The following ACTR3C variants were observed in gnomAD, a reference collection of about 807,000 sequenced individuals.
ACTR3C encodes the protein actin related protein 3C, also known as actin-related protein 3C.
Under a neutral mutation model 26.3 loss-of-function variants are expected in ACTR3C, and 18 were observed. The ratio of observed to expected loss-of-function variants is 0.68; its 90% CI spans 0.47 to 1.01. The LOEUF (loss-of-function observed/expected upper bound fraction) is 1.01, where lower values mean the gene tolerates loss of function less well. Ranked by LOEUF, ACTR3C falls within the 50% of genes least tolerant of loss-of-function variation. ACTR3C has a pLI of 0.00. For synonymous variants in ACTR3C, 55 were observed against 94.5 expected (o/e 0.58, Z 2.42); for missense variants, 184 against 250.7 (o/e 0.73, Z 1.80).
the ACTR3C span, among the ~76,000 whole-genome samples, chr7:150,191,348 A>G: frequency 5.3e-5 from 8 of 152,200 alleles, no homozygotes; most frequent in African/African-American, 1.9e-4. Flanking sequence ...AAACAAAGAA[A>G]ACAGTATATT....
chr7:150,247,773 G>A (rs1832547312), intron 7 of ACTR3C: 2 of 146,950 alleles, frequency 1.4e-5, no homozygotes, highest in Non-Finnish European at 3.0e-5. Context: ...CATCTCTTGG[G>A]TGATGAGTGA....
the ACTR3C span, among the ~76,000 whole-genome samples, chr7:150,048,542 GCGCGTGCCCC>G: frequency 7.2e-5 from 11 of 152,126 alleles, no homozygotes; most frequent in Admixed American, 7.2e-4. Flanking sequence ...AGGTAGTGCT[GCGCGTGCCCC>G]GCAGCACGCG....
chr7:150,038,942 TCA>T, the ACTR3C span, among the ~76,000 whole-genome samples: 1 of 93,348 alleles, frequency 1.1e-5, no homozygotes, highest in Non-Finnish European at 2.3e-5. Context: ...GGGATAGCTC[TCA>T]GTCCCCACTC....
chr7:150,264,077 C>G (rs1290121820), intron 6 of ACTR3C, among the ~76,000 whole-genome samples: 1 of 152,194 alleles, frequency 6.6e-6, no homozygotes. Context: ...CACACACCAC[C>G]CCACGAGTAG....
At chr7:150,139,996 A>ACACACATT in the ACTR3C span, among the ~76,000 whole-genome samples, 1 of 151,982 alleles carries the variant, frequency 6.6e-6, no homozygotes, top group South Asian at 2.1e-4. Context: ...ATACGCATGC[A>ACACACATT]CACACATTCA....
At chr7:149,914,153 T>C in the ACTR3C span, among the ~76,000 whole-genome samples, 1 of 151,622 alleles carries the variant, frequency 6.6e-6, no homozygotes, top group Non-Finnish European at 1.5e-5. Flanking sequence ...CCTCCCAAAG[T>C]GCTAGGATTA....
chr7:149,943,164 G>A, the ACTR3C span, among the ~76,000 whole-genome samples: 2 of 145,804 alleles, frequency 1.4e-5, no homozygotes, highest in African/African-American at 5.5e-5. Flanking sequence ...TCATCTATGT[G>A]TTGACTATTG....
At chr7:150,267,792 G>A (rs183469258) in intron 6 of ACTR3C, among the ~76,000 whole-genome samples, 3 of 152,098 alleles carry the variant, frequency 2.0e-5, no homozygotes, top group Non-Finnish European at 4.4e-5. Context: ...ATGAAACTTC[G>A]GGAAATCAAA....
intron 6 of ACTR3C, among the ~76,000 whole-genome samples, chr7:150,269,665 G>C (rs1402008982): frequency 9.2e-6 from 1 of 108,710 alleles, no homozygotes; most frequent in African/African-American, 4.4e-5. Context: ...CGGTAAGCAG[G>C]GGCCCTCCCC....
At chr7:150,242,366 A>C (rs903568233), downstream of ACTR3C, among the ~76,000 whole-genome samples, 1 of 150,628 alleles carries the variant, frequency 6.6e-6, no homozygotes, top group Non-Finnish European at 1.5e-5. Flanking sequence ...CAGGTCAGTC[A>C]CTGCTGAGCA....
At chr7:150,077,057 T>C in the ACTR3C span, among the ~76,000 whole-genome samples, 1 of 151,804 alleles carries the variant, frequency 6.6e-6, no homozygotes, top group South Asian at 2.1e-4. Flanking sequence ...TCCAGCTACT[T>C]GGGAGGCTGA....
the ACTR3C span, among the ~76,000 whole-genome samples, chr7:149,995,608 G>C: frequency 1.3e-5 from 2 of 152,386 alleles, no homozygotes; most frequent in East Asian, 1.9e-4. Context: ...GATGAGGCTG[G>C]AGTGCACAGG....
At chr7:150,315,190 T>C (rs556515330) in intron 1 of ACTR3C, among the ~76,000 whole-genome samples, 3 of 150,972 alleles carry the variant, frequency 2.0e-5, no homozygotes, top group East Asian at 3.9e-4. Context: ...GGCAAAGATT[T>C]CTCTAAAAGG....
the ACTR3C span, among the ~76,000 whole-genome samples, chr7:150,014,725 G>T: frequency 6.6e-6 from 1 of 152,232 alleles, no homozygotes; most frequent in Non-Finnish European, 1.5e-5. Flanking sequence ...CTAATGCTTA[G>T]TGGGCCCCTT....
At chr7:150,103,919 C>G in the ACTR3C span, among the ~76,000 whole-genome samples, 1 of 151,962 alleles carries the variant, frequency 6.6e-6, no homozygotes, top group Non-Finnish European at 1.5e-5. Flanking sequence ...ATTGAATTAC[C>G]TTTTGTCGTT....
At chr7:149,962,406 C>G in the ACTR3C span, among the ~76,000 whole-genome samples, 1 of 152,170 alleles carries the variant, frequency 6.6e-6, no homozygotes, top group African/African-American at 2.4e-5. Context: ...TGGATCTGCA[C>G]AGATTTGACC....
chr7:150,168,803 G>T, the ACTR3C span, among the ~76,000 whole-genome samples: 1 of 150,776 alleles, frequency 6.6e-6, no homozygotes, highest in Non-Finnish European at 1.5e-5. Context: ...TGTGATTGCC[G>T]CTGGCATGTG....
the ACTR3C span, among the ~76,000 whole-genome samples, chr7:149,937,705 T>A: frequency 3.3e-5 from 5 of 152,188 alleles, no homozygotes; most frequent in East Asian, 9.7e-4. Context: ...AAGAGAGGTG[T>A]CAGGAACCAC....
At chr7:149,936,012 G>A in the ACTR3C span, among the ~76,000 whole-genome samples, 16 of 152,154 alleles carry the variant, frequency 1.1e-4, no homozygotes, top group South Asian at 8.3e-4. Flanking sequence ...TGCTGTCAGC[G>A]GTTTTGCATG....
Sources: gnomAD v4.1 joint callset for allele counts (sites outside exome capture counted in the v4.1 genomes callset) on GRCh38, gnomAD v4.1.1 for gene constraint, MANE v1.5 for transcripts, NCBI Gene and HGNC (gene_info 2026-07-23, HGNC 2026-07-21) for gene names.